The following CHID1 variants were observed in gnomAD, a reference collection of about 807,000 sequenced individuals.
CHID1 encodes the protein chitinase domain-containing protein 1.
CHID1 carries 44 observed loss-of-function variants against 55.4 expected under a neutral mutation model. The ratio of observed to expected loss-of-function variants is 0.79; its 90% confidence interval spans 0.62 to 1.02. The LOEUF (loss-of-function observed/expected upper bound fraction) is 1.02, where lower values mean the gene tolerates loss of function less well. Ranked by LOEUF, CHID1 falls within the 50% of genes least tolerant of loss-of-function variation. CHID1 has a pLI of 0.00. For synonymous variants in CHID1, 216 were observed against 212.9 expected (o/e 1.01, Z -0.13); for missense variants, 491 against 515.3 (o/e 0.95, Z 0.46).
chr11:894,056 A>C (rs906465130), intron 7 of CHID1, among the ~76,000 whole-genome samples: 2 of 126,744 alleles, frequency 1.6e-5, no homozygotes, highest in Non-Finnish European at 3.2e-5. Context: ...CAGGAGGTGG[A>C]GGTTGCAGTG....
At chr11:906,960 A>AGAGGTTGCGGTAAGCC (rs1565206853) in intron 1 of CHID1, among the ~76,000 whole-genome samples, 3 of 152,206 alleles carry the variant, frequency 2.0e-5, no homozygotes, top group African/African-American at 7.2e-5. Flanking sequence ...CCTGGGAAGC[A>AGAGGTTGCGGTAAGCC]GAGGTTGCGG....
intron 8 of CHID1, 82 bp from the exon 9 acceptor site, chr11:884,251 T>C: frequency 9.7e-7 from 1 of 1,028,588 alleles, no homozygotes; most frequent in South Asian, 1.4e-5. Context: ...GCAAGCTGCC[T>C]GTAGGGGACT....
At chr11:882,122 C>A (rs909146661) in intron 10 of CHID1, among the ~76,000 whole-genome samples, 5 of 152,028 alleles carry the variant, frequency 3.3e-5, no homozygotes, top group African/African-American at 1.2e-4. Flanking sequence ...GTCAGGAGAT[C>A]GAGACCATCC....
chr11:890,682 C>G (rs1212436338), intron 8 of CHID1, among the ~76,000 whole-genome samples: 2 of 152,230 alleles, frequency 1.3e-5, no homozygotes, highest in African/African-American at 2.4e-5. Context: ...CACCTGGGGA[C>G]AGCCTGTTGG....
intron 1 of CHID1, among the ~76,000 whole-genome samples, chr11:910,340 T>C (rs1222007204): frequency 6.6e-6 from 1 of 152,110 alleles, no homozygotes; most frequent in Non-Finnish European, 1.5e-5. Flanking sequence ...CTGGGGGTCC[T>C]GGGGACCCGA....
upstream of CHID1, chr11:915,133 G>A (rs1252368311): frequency 1.3e-5 from 2 of 152,906 alleles, no homozygotes; most frequent in African/African-American, 4.8e-5. Context: ...GCAAATCCAG[G>A]GCAAGCAGGA....
intron 1 of CHID1, 145 bp from the exon 2 acceptor site, chr11:905,004 T>C (rs1399752342): frequency 1.0e-5 from 9 of 869,478 alleles, no homozygotes; most frequent in South Asian, 8.2e-5. Context: ...GACAGAGCCC[T>C]GACCTGGACC....
intron 10 of CHID1, among the ~76,000 whole-genome samples, chr11:876,971 G>A (rs924389389): frequency 6.6e-6 from 1 of 152,136 alleles, no homozygotes; most frequent in Non-Finnish European, 1.5e-5. Context: ...CCTGCCAGGT[G>A]CCCACACCCC....
upstream of CHID1, among the ~76,000 whole-genome samples, chr11:913,884 G>A (rs1362293043): frequency 1.3e-5 from 2 of 152,126 alleles, no homozygotes; most frequent in East Asian, 1.9e-4. Context: ...GGGCAACATG[G>A]TGAAACCCCG....
intron 10 of CHID1, 161 bp downstream of exon 10, chr11:882,987 G>A: frequency 1.4e-6 from 1 of 738,708 alleles, no homozygotes; most frequent in South Asian, 1.8e-5. Flanking sequence ...CGGTGGGGTG[G>A]GCACCAAGCA....
chr11:898,939 C>T (rs1851596401), intron 7 of CHID1, among the ~76,000 whole-genome samples: 2 of 152,200 alleles, frequency 1.3e-5, no homozygotes, highest in Admixed American at 1.3e-4. Context: ...CAGGGACACC[C>T]CCAGGAAGGC....
chr11:899,937 C>T lies in CHID1; in HGVS notation c.546+67G>A. ...GCCGAGTGGAGGCCTCGCGGGAGGC[C>T]CAGCCAGACGGCCAGGTGGGACCCG... is the stretch of plus-strand genomic sequence containing the variant. On this transcript the variant is annotated intron_variant, in intron 6 of 12. Coordinates refer to ENST00000323578, the MANE Select transcript of CHID1 (RefSeq NM_023947.4). 3.2e-6 allele frequency: 4 copies of T among 1,230,962 alleles called. No homozygotes were observed. The South Asian group carries it at 4.9e-5, about 15-fold the overall frequency. 76.3% of individuals were successfully genotyped at this position (1,230,962 alleles called of 1,614,324 possible).
intron 8 of CHID1, among the ~76,000 whole-genome samples, chr11:891,778 A>G (rs923090488): frequency 6.6e-6 from 1 of 151,976 alleles, no homozygotes; most frequent in Non-Finnish European, 1.5e-5. Flanking sequence ...CCTCACAGCC[A>G]GCCCCTGCCA....
chr11:893,189 C>A (rs912076121), intron 8 of CHID1, among the ~76,000 whole-genome samples: 12 of 152,250 alleles, frequency 7.9e-5, no homozygotes, highest in African/African-American at 2.7e-4. Context: ...CCCAACCCAG[C>A]CTGCTTCTGT....
At chr11:914,556 C>A (rs1295976723), upstream of CHID1, 1 of 1,289,350 alleles carries the variant, frequency 7.8e-7, no homozygotes. Flanking sequence ...CCTGAGGATG[C>A]CTCTCACAGA....
At chr11:898,196 G>C (rs1184310130) in intron 7 of CHID1, among the ~76,000 whole-genome samples, 4 of 152,232 alleles carry the variant, frequency 2.6e-5, no homozygotes. Context: ...CTTAAGATCT[G>C]TGTGGGGACG....
chr11:883,959 G>C (rs142617130), intron 9 of CHID1, 109 bp downstream of exon 9: 990 of 867,270 alleles, frequency 1.1e-3, no homozygotes, highest in Non-Finnish European at 1.6e-3. Context: ...CTTGTGCACA[G>C]AACCACAGGC....
chr11:876,503 C>G (rs991064734), intron 10 of CHID1, among the ~76,000 whole-genome samples: 3 of 152,166 alleles, frequency 2.0e-5, no homozygotes, highest in South Asian at 2.1e-4. Context: ...GCCGTCCACT[C>G]GTAGACGGGA....
intron 8 of CHID1, among the ~76,000 whole-genome samples, chr11:886,557 G>A (rs1046423275): frequency 6.6e-6 from 1 of 152,200 alleles, no homozygotes; most frequent in Non-Finnish European, 1.5e-5. Flanking sequence ...GGGCCTTTAG[G>A]AGGTGATTAG....
Sources: allele counts gnomAD v4.1 joint callset (sites outside exome capture counted in the v4.1 genomes callset), GRCh38; gene constraint gnomAD v4.1.1; transcripts MANE v1.5; gene names NCBI Gene and HGNC (gene_info 2026-07-23, HGNC 2026-07-21).